Variants in LARGE1 observed in about 807,000 individuals in gnomAD.
LARGE1 encodes xylosyl- and glucuronyltransferase LARGE1.
LARGE1 carries 43 observed loss-of-function variants against 87.6 expected under a neutral mutation model. That is an observed-to-expected ratio of 0.49 (90% CI 0.38 to 0.63). LARGE1 has a LOEUF of 0.63. LARGE1 is among the 30% of genes least tolerant of loss of function. LARGE1 has a pLI of 0.00. For missense variants in LARGE1, 802 were observed against 1,000.2 expected, an observed-to-expected ratio of 0.80 and a Z score of 2.67; for synonymous variants, 434 against 394.6, an observed-to-expected ratio of 1.10 and a Z score of -1.18.
At chr22:33,357,611 A>C (rs1250323742) in intron 9 of LARGE1, among the ~76,000 whole-genome samples, 2 of 152,028 alleles carry the variant, frequency 1.3e-5, no homozygotes, top group African/African-American at 4.8e-5. Context: ...CCTGACCAAC[A>C]TGGAGAAACC....
chr22:33,223,220 G>A (rs957203406), intron 11 of LARGE1, among the ~76,000 whole-genome samples: 31 of 152,122 alleles, frequency 2.0e-4, no homozygotes, highest in Admixed American at 1.3e-3. Flanking sequence ...TTATTCGTTC[G>A]CTTCCTAAAG....
At chr22:33,168,215 T>C (rs1468486714) in intron 11 of LARGE1, among the ~76,000 whole-genome samples, 1 of 152,194 alleles carries the variant, frequency 6.6e-6, no homozygotes, top group East Asian at 1.9e-4. Flanking sequence ...AGATTAATAT[T>C]TAACCACAAG....
chr22:33,478,973 A>T (rs1227010173), intron 6 of LARGE1, among the ~76,000 whole-genome samples: 1 of 152,156 alleles, frequency 6.6e-6, no homozygotes, highest in African/African-American at 2.4e-5. Flanking sequence ...AGTTGACACC[A>T]AGGATTTTTA....
chr22:33,363,909 G>C (rs1418625421), intron 9 of LARGE1, among the ~76,000 whole-genome samples: 1 of 149,226 alleles, frequency 6.7e-6, no homozygotes, highest in Non-Finnish European at 1.5e-5. Flanking sequence ...TCACCTCCCG[G>C]GTGGGACTGA....
intron 1 of LARGE1, among the ~76,000 whole-genome samples, chr22:33,813,256 A>G (rs1245016065): frequency 1.3e-5 from 1 of 75,916 alleles, no homozygotes; most frequent in Non-Finnish European, 3.5e-5. Flanking sequence ...CGTCTCAAGA[A>G]AAAAAAAAAA....
intron 6 of LARGE1, among the ~76,000 whole-genome samples, chr22:33,510,191 G>C (rs1272224496): frequency 6.6e-6 from 1 of 152,304 alleles, no homozygotes; most frequent in South Asian, 2.1e-4. Context: ...GACCATGCAC[G>C]AAGCAGTCTA....
rs73882289 is a variant in LARGE1, at chr22:33,662,746, T to C, written c.107-12078A>G. Among the ~76,000 whole-genome samples, 737 of 150,414 alleles carry C rather than the reference T, an allele frequency of 4.9e-3. 8 individuals are homozygous for C. Among genetic ancestry groups the C allele is most frequent in the African/African-American group, 0.017 (700 of 41,054 alleles). ...TTCTAACCCATTCCAAAAAAAAAAA[T>C]GGAAGCAAGTACTTTTGTGAATGTC... On this transcript the variant is annotated intron_variant, in intron 2 of 14. Transcript: ENST00000397394.
chr22:33,670,778 C>T (rs375043543), intron 2 of LARGE1, among the ~76,000 whole-genome samples: 9 of 152,220 alleles, frequency 5.9e-5, no homozygotes, highest in African/African-American at 1.4e-4. Flanking sequence ...TGTACAGTGC[C>T]CAACAGGTCC....
chr22:33,185,631 G>A (rs1026163554), intron 11 of LARGE1, among the ~76,000 whole-genome samples: 4 of 152,138 alleles, frequency 2.6e-5, no homozygotes, highest in Non-Finnish European at 5.9e-5. Context: ...TCTTGAGAGG[G>A]AAGAGTCTGT....
At chr22:33,292,562 C>A (rs568372428) in intron 12 of LARGE1, among the ~76,000 whole-genome samples, 56 of 152,032 alleles carry the variant, frequency 3.7e-4, no homozygotes, top group African/African-American at 1.3e-3. Context: ...GTCGAGGAGA[C>A]AAAAGGGAGA....
chr22:33,499,597 C>T (rs569783323), intron 6 of LARGE1, among the ~76,000 whole-genome samples: 1 of 152,254 alleles, frequency 6.6e-6, no homozygotes, highest in African/African-American at 2.4e-5. Flanking sequence ...TGACACCTGT[C>T]CTATCTCTGT....
the LARGE1 span, chr22:33,137,127 C>T: frequency 6.6e-6 from 1 of 152,034 alleles, no homozygotes; most frequent in Non-Finnish European, 1.5e-5. Flanking sequence ...GACAAAATGC[C>T]CCTGTCCTGA....
In LARGE1 at chr22:33,831,863, T is replaced by C. The variant is rs552242465; in HGVS notation, c.-82-70305A>G. Among the ~76,000 whole-genome samples, 4 of 152,234 alleles carry C rather than the reference T, an allele frequency of 2.6e-5. No homozygotes were observed. The South Asian group carries it at 8.3e-4, about 32-fold the overall frequency. ...CTAGCACACAAAGCCCCTCCCAGCCTGGCCCAGGCGTAATCCCGAGGCAAC... is the reference window on the plus strand; with the variant it reads ...CTAGCACACAAAGCCCCTCCCAGCCCGGCCCAGGCGTAATCCCGAGGCAAC... On this transcript the variant is annotated intron_variant, in intron 1 of 14. Transcript: ENST00000397394.
At chr22:33,469,469 C>A in intron 6 of LARGE1, among the ~76,000 whole-genome samples, 1 of 152,262 alleles carries the variant, frequency 6.6e-6, no homozygotes, top group Middle Eastern at 3.4e-3. Flanking sequence ...AAACCAAACA[C>A]TGAGTTTACA....
intron 11 of LARGE1, among the ~76,000 whole-genome samples, chr22:33,183,300 T>C (rs1210199733): frequency 6.6e-6 from 1 of 152,098 alleles, no homozygotes; most frequent in Non-Finnish European, 1.5e-5. Context: ...CTTCTTAAGA[T>C]GGCTATTATC....
At chr22:33,171,989 C>T (rs4449237) in intron 11 of LARGE1, among the ~76,000 whole-genome samples, 1 of 152,240 alleles carries the variant, frequency 6.6e-6, no homozygotes, top group Admixed American at 6.5e-5. Flanking sequence ...GGGCTGTACC[C>T]TGCAGAGCCA....
rs549886020 is a variant in LARGE1, at chr22:33,585,072, G to C, written c.615+19363C>G. On this transcript the variant is annotated intron_variant, in intron 5 of 14. Transcript: ENST00000397394. ...GTGGAGGTTGCAGTGAGCCGAGATC[G>C]CACCACTGCATTCCAGCCTGGGTGA... 3.9e-5 allele frequency among the ~76,000 whole-genome samples: 6 copies of C among 152,192 alleles called. No individual in the cohort carries two copies. The South Asian group carries it at 1.2e-3, about 32-fold the overall frequency.
At chr22:33,101,953 T>C in the LARGE1 span, among the ~76,000 whole-genome samples, 1 of 152,224 alleles carries the variant, frequency 6.6e-6, no homozygotes, top group African/African-American at 2.4e-5. Context: ...TTTTGTTTTA[T>C]TCCTTTCAAT....
At chr22:33,381,187 T>A (rs1260842140) in intron 9 of LARGE1, among the ~76,000 whole-genome samples, 1 of 152,180 alleles carries the variant, frequency 6.6e-6, no homozygotes, top group Admixed American at 6.5e-5. Flanking sequence ...AAATACTCTG[T>A]TAAACCAGTA....
Sources: allele counts gnomAD v4.1 joint callset (sites outside exome capture counted in the v4.1 genomes callset), GRCh38; gene constraint gnomAD v4.1.1; transcripts MANE v1.5; gene names NCBI Gene and HGNC (gene_info 2026-07-23, HGNC 2026-07-21).